The following ARHGAP42 variants were observed in gnomAD, a reference collection of about 807,000 sequenced individuals.
The protein encoded by ARHGAP42 is Rho GTPase activating protein 42.
Under a neutral mutation model 125.0 loss-of-function variants are expected in ARHGAP42, and 63 were observed. The observed-to-expected ratio is 0.50, with a 90% confidence interval of 0.41 to 0.62. ARHGAP42 has a LOEUF of 0.62. ARHGAP42 is among the 20% of genes least tolerant of loss of function. ARHGAP42 has a pLI of 0.00. For synonymous variants in ARHGAP42, 339 were observed against 351.0 expected (o/e 0.97, Z 0.38); for missense variants, 766 against 1,024.2 (o/e 0.75, Z 3.44).
In ARHGAP42 at chr11:100,965,771, G is replaced by A; in HGVS notation, c.1545G>A (p.Leu515=). 6 of 1,549,146 alleles carry A rather than the reference G, an allele frequency of 3.9e-6. No individual in the cohort carries two copies. Among genetic ancestry groups the A allele is most frequent in the Non-Finnish European group, 5.2e-6 (6 of 1,145,014 alleles). The part of the protein sequence containing the change: ...REMLDILIKH[L]VKVSLHSQQN... ...TGCTGGACATCTTAATAAAGCATCT[G>A]GTCAAGTAATTCTCTAACTTACATT... Residue 515 remains leucine, a synonymous_variant, in exon 17 of 24, where the codon CTG becomes CTA. Transcript: ENST00000298815.
intron 6 of ARHGAP42, among the ~76,000 whole-genome samples, chr11:100,929,013 A>G (rs527786745): frequency 1.3e-5 from 2 of 152,322 alleles, no homozygotes; most frequent in South Asian, 2.1e-4. Flanking sequence ...TTATCCAAAT[A>G]TTAGTTGATA....
intron 7 of ARHGAP42, among the ~76,000 whole-genome samples, chr11:100,934,956 G>A (rs138646170): frequency 1.5e-4 from 23 of 151,914 alleles, no homozygotes; most frequent in African/African-American, 2.4e-4. Context: ...TATTAAAAGC[G>A]AAAATTATAA....
intron 18 of ARHGAP42, among the ~76,000 whole-genome samples, chr11:100,973,997 T>G (rs1463259409): frequency 6.6e-6 from 1 of 152,154 alleles, no homozygotes; most frequent in Non-Finnish European, 1.5e-5. Flanking sequence ...CAAGAGCACA[T>G]GGCTGTGTCC....
intron 4 of ARHGAP42, among the ~76,000 whole-genome samples, chr11:100,900,287 G>C (rs1023789787): frequency 8.5e-5 from 13 of 152,180 alleles, no homozygotes; most frequent in African/African-American, 3.1e-4. Flanking sequence ...CTGCTAATCT[G>C]ATGGGCTTCC....
At chr11:100,699,932 G>T (rs1054594839) in intron 1 of ARHGAP42, among the ~76,000 whole-genome samples, 1 of 152,036 alleles carries the variant, frequency 6.6e-6, no homozygotes. Context: ...CTAGCTTCTC[G>T]TGGTTGCCAG....
At chr11:100,808,148 G>A (rs945622463) in intron 3 of ARHGAP42, among the ~76,000 whole-genome samples, 5 of 152,082 alleles carry the variant, frequency 3.3e-5, no homozygotes, top group Non-Finnish European at 7.4e-5. Flanking sequence ...TTAAATAATG[G>A]TAACAAAGCT....
intron 1 of ARHGAP42, among the ~76,000 whole-genome samples, chr11:100,759,228 T>C (rs1483859416): frequency 6.6e-6 from 1 of 152,310 alleles, no homozygotes; most frequent in South Asian, 2.1e-4. Context: ...GGCCATTCTC[T>C]CTGGCTCCTC....
chr11:100,728,851 C>A (rs371559379), intron 1 of ARHGAP42, among the ~76,000 whole-genome samples: 1 of 150,962 alleles, frequency 6.6e-6, no homozygotes, highest in African/African-American at 2.4e-5. Flanking sequence ...TCACTACAAC[C>A]TCCACCTCCC....
intron 4 of ARHGAP42, among the ~76,000 whole-genome samples, chr11:100,910,866 C>T (rs1866893236): frequency 6.6e-6 from 1 of 151,638 alleles, no homozygotes; most frequent in South Asian, 2.1e-4. Context: ...TTTTTCTGGC[C>T]TGGTGGTGTG....
intron 4 of ARHGAP42, among the ~76,000 whole-genome samples, chr11:100,899,227 T>C (rs910037968): frequency 6.6e-6 from 1 of 152,238 alleles, no homozygotes; most frequent in African/African-American, 2.4e-5. Context: ...TGATTTCTGT[T>C]CTTTTACATT....
chr11:100,929,234 C>G (rs1308532829), intron 6 of ARHGAP42, among the ~76,000 whole-genome samples: 1 of 152,104 alleles, frequency 6.6e-6, no homozygotes, highest in African/African-American at 2.4e-5. Flanking sequence ...AGGCACAGTT[C>G]ACAATAGGCC....
At chr11:100,951,241 T>C (rs1857639658) in intron 12 of ARHGAP42, among the ~76,000 whole-genome samples, 1 of 152,046 alleles carries the variant, frequency 6.6e-6, no homozygotes, top group African/African-American at 2.4e-5. Context: ...TATTTTTAAA[T>C]AATATTTTAA....
chr11:100,875,461 C>G (rs985065920), intron 4 of ARHGAP42, among the ~76,000 whole-genome samples: 1 of 152,148 alleles, frequency 6.6e-6, no homozygotes, highest in Non-Finnish European at 1.5e-5. Flanking sequence ...GCACCTGCCC[C>G]TTGACCTTGG....
chr11:100,952,260 A>C, intron 12 of ARHGAP42, among the ~76,000 whole-genome samples: 1 of 152,082 alleles, frequency 6.6e-6, no homozygotes, highest in Non-Finnish European at 1.5e-5. Flanking sequence ...TTAATTAGTA[A>C]AGTTTCCTTA....
chr11:100,852,393 G>T (rs1865225416), intron 3 of ARHGAP42, among the ~76,000 whole-genome samples: 2 of 152,126 alleles, frequency 1.3e-5, no homozygotes, highest in Admixed American at 6.6e-5. Flanking sequence ...TCAGAAGTTT[G>T]CTTAAATTCA....
At chr11:100,968,407 A>T (rs1339266277) in intron 17 of ARHGAP42, among the ~76,000 whole-genome samples, 1 of 151,992 alleles carries the variant, frequency 6.6e-6, no homozygotes, top group Non-Finnish European at 1.5e-5. Context: ...GTCCTAATAG[A>T]TTTTCTAGGG....
intron 3 of ARHGAP42, among the ~76,000 whole-genome samples, chr11:100,821,832 T>G (rs977384242): frequency 6.6e-6 from 1 of 152,328 alleles, no homozygotes; most frequent in Middle Eastern, 3.4e-3. Context: ...AATGTGTTTG[T>G]GTATTCATTC....
chr11:100,740,953 G>A (rs1862172115), intron 1 of ARHGAP42, among the ~76,000 whole-genome samples: 1 of 152,150 alleles, frequency 6.6e-6, no homozygotes, highest in African/African-American at 2.4e-5. Flanking sequence ...GGCTTGAGGG[G>A]GAAAGCAGAC....
chr11:100,911,082 T>C (rs993763813), intron 4 of ARHGAP42, among the ~76,000 whole-genome samples: 4 of 152,128 alleles, frequency 2.6e-5, no homozygotes, highest in Admixed American at 2.6e-4. Flanking sequence ...AAGTGAGAAA[T>C]TTTAAGCATC....
Sources: gnomAD v4.1 joint callset for allele counts (sites outside exome capture counted in the v4.1 genomes callset) on GRCh38, gnomAD v4.1.1 for gene constraint, MANE v1.5 for transcripts, NCBI Gene and HGNC (gene_info 2026-07-23, HGNC 2026-07-21) for gene names.